The following MS4A12 variants were observed in gnomAD, a reference collection of about 807,000 sequenced individuals.
The protein encoded by MS4A12 is membrane spanning 4-domains A12, also known as membrane-spanning 4-domains subfamily A member 12.
MS4A12 carries 28 observed loss-of-function variants against 23.7 expected under a neutral mutation model. That is an observed-to-expected ratio of 1.18 (90% CI 0.88 to 1.62). The LOEUF is 1.62. MS4A12 is among the 40% of genes most tolerant of loss of function. The probability of loss-of-function intolerance (pLI) is 0.00; values close to 1 mark genes in which losing one functional copy is unlikely to be tolerated. For synonymous variants in MS4A12, 108 were observed against 110.1 expected (o/e 0.98, Z 0.12); for missense variants, 342 against 327.0 (o/e 1.05, Z -0.35).
chr11:60,505,534 C>T (rs1195053323), intron 5 of MS4A12, among the ~76,000 whole-genome samples: 4 of 151,898 alleles, frequency 2.6e-5, no homozygotes, highest in Non-Finnish European at 4.4e-5. Context: ...AAAAAAACAG[C>T]TTTCAAACTG....
At chr11:60,505,449 G>A (rs769905707) in intron 5 of MS4A12, among the ~76,000 whole-genome samples, 4 of 151,876 alleles carry the variant, frequency 2.6e-5, no homozygotes, top group Admixed American at 6.6e-5. Context: ...AAAGCTTCTC[G>A]GTAAATAAGG....
Position 60,503,762 on chromosome 11 carries a change from T to G in MS4A12, c.533T>G (p.Leu178Arg). The G allele has an allele frequency of 6.2e-7, 1 of 1,614,026 alleles. No individual in the cohort carries two copies. Among genetic ancestry groups the G allele is most frequent in the Non-Finnish European group, 8.5e-7 (1 of 1,179,886 alleles). ...ATCTTGGCCTTCATTGGAGTGATTC[T>G]GCTGCTGGTGGATATGTGCATCAAT... ...SSILAFIGVILLLVDMCINGV... is the reference protein window; with the variant it reads ...SSILAFIGVIRLLVDMCINGV... Residue 178 changes from leucine (L) to arginine (R), a missense_variant, in exon 5 of 7, where the codon CTG (leucine) becomes CGG (arginine). Leu to Arg is a moderately radical substitution (Grantham distance 102, BLOSUM62 -2). Coordinates refer to ENST00000016913, the MANE Select transcript of MS4A12 (RefSeq NM_017716.3).
intron 1 of MS4A12, 149 bp from the exon 2 acceptor site, chr11:60,497,164 A>T (rs1018954897): frequency 3.5e-5 from 35 of 986,020 alleles, no homozygotes; most frequent in Non-Finnish European, 2.9e-6. Flanking sequence ...GACTTATGAG[A>T]ATCATGTTTC....
At chr11:60,493,469 C>T (rs1045826838) in intron 1 of MS4A12, among the ~76,000 whole-genome samples, 2 of 151,926 alleles carry the variant, frequency 1.3e-5, no homozygotes, top group African/African-American at 2.4e-5. Flanking sequence ...AAGGACGAGG[C>T]CATGCCCCAC....
chr11:60,499,776 G>A (rs1411580919), intron 2 of MS4A12, among the ~76,000 whole-genome samples: 2 of 152,064 alleles, frequency 1.3e-5, no homozygotes, highest in African/African-American at 4.8e-5. Flanking sequence ...TAACCATGGG[G>A]AAAAATAAAT....
chr11:60,501,872 T>A (rs2086532941), intron 3 of MS4A12, 111 bp from the exon 4 acceptor site: 1 of 984,318 alleles, frequency 1.0e-6, no homozygotes. Context: ...CGAGAGAAAA[T>A]TTTGAGAAGG....
At chr11:60,500,010 C>T (rs189251938) in intron 2 of MS4A12, among the ~76,000 whole-genome samples, 12 of 151,948 alleles carry the variant, frequency 7.9e-5, no homozygotes, top group East Asian at 1.9e-4. Flanking sequence ...GAGGCCAAGG[C>T]GGGCAGATCA....
chr11:60,497,724 AT>A, intron 2 of MS4A12, 130 bp downstream of exon 2: 1 of 1,057,786 alleles, frequency 9.5e-7, no homozygotes, highest in Non-Finnish European at 1.3e-6. Flanking sequence ...AGACAGAAAT[AT>A]TTAGTCTGCC....
chr11:60,498,622 A>T (rs1314525759), intron 2 of MS4A12, among the ~76,000 whole-genome samples: 2 of 152,224 alleles, frequency 1.3e-5, no homozygotes, highest in Admixed American at 1.3e-4. Context: ...AGAGGGGGAA[A>T]TCAGACTGTA....
intron 4 of MS4A12, among the ~76,000 whole-genome samples, chr11:60,502,835 C>A (rs1290250020): frequency 6.6e-6 from 1 of 152,172 alleles, no homozygotes; most frequent in African/African-American, 2.4e-5. Flanking sequence ...TTAACCACTC[C>A]TGTTGCAGTC....
chr11:60,501,826 A>G (rs1034464308), intron 3 of MS4A12, among the ~76,000 whole-genome samples, 157 bp from the exon 4 acceptor site: 2 of 152,150 alleles, frequency 1.3e-5, no homozygotes, highest in Non-Finnish European at 2.9e-5. Flanking sequence ...AGTCAAGGAC[A>G]TATGACTGAG....
At chr11:60,500,428 G>A (rs554858516) in intron 2 of MS4A12, among the ~76,000 whole-genome samples, 1 of 152,150 alleles carries the variant, frequency 6.6e-6, no homozygotes, top group African/African-American at 2.4e-5. Flanking sequence ...AGACAGTACC[G>A]AATAATTCAG....
chr11:60,501,874 T>G, intron 3 of MS4A12, 109 bp from the exon 4 acceptor site: 2 of 1,000,654 alleles, frequency 2.0e-6, no homozygotes, highest in Non-Finnish European at 3.0e-6. Flanking sequence ...AGAGAAAATT[T>G]TGAGAAGGAA....
At chr11:60,501,888 A>G in intron 3 of MS4A12, 95 bp from the exon 4 acceptor site, 3 of 1,123,736 alleles carry the variant, frequency 2.7e-6, no homozygotes, top group African/African-American at 1.6e-5. Context: ...GAAGGAAACT[A>G]GATGAACATA....
Position 60,507,072 on chromosome 11 carries a change from C to A in MS4A12, c.752C>A (p.Ser251Tyr). 1 of 1,614,084 alleles carries A rather than the reference C, an allele frequency of 6.2e-7. No individual in the cohort carries two copies. Among genetic ancestry groups the A allele is most frequent in the Non-Finnish European group, 8.5e-7 (1 of 1,179,924 alleles). ...MYESNPVTPASSSAPPRCNNY... is the reference protein window; with the variant it reads ...MYESNPVTPAYSSAPPRCNNY... ...GAAAGCAACCCTGTGACACCAGCGT[C>A]TTCTTCAGCTCCTCCCAGATGCAAC... is the stretch of plus-strand genomic sequence containing the variant. Residue 251 changes from serine to tyrosine, a missense_variant, in exon 7 of 7, where the codon TCT becomes TAT. Transcript: ENST00000016913.
intron 2 of MS4A12, among the ~76,000 whole-genome samples, chr11:60,500,094 A>G (rs545874154): frequency 6.6e-6 from 1 of 152,200 alleles, no homozygotes; most frequent in African/African-American, 2.4e-5. Flanking sequence ...AAAAGAAATT[A>G]GCCAGGCATG....
chr11:60,503,848 C>T (rs745636724), intron 5 of MS4A12, 31 bp downstream of exon 5: 5 of 1,573,780 alleles, frequency 3.2e-6, no homozygotes, highest in Non-Finnish European at 1.7e-6. Flanking sequence ...CATGTGCCTG[C>T]TCTATTTTCA....
chr11:60,503,680 T>G (rs769898374), intron 4 of MS4A12, 21 bp from the exon 5 acceptor site: 2 of 1,580,360 alleles, frequency 1.3e-6, no homozygotes, highest in South Asian at 2.3e-5. Flanking sequence ...ATAATTGATT[T>G]TTTCCTGCCA....
At chr11:60,506,230 A>G (rs932794896) in intron 5 of MS4A12, among the ~76,000 whole-genome samples, 5 of 152,332 alleles carry the variant, frequency 3.3e-5, no homozygotes, top group Middle Eastern at 3.4e-3. Context: ...ACATGATTCC[A>G]TTCTTATAGA....
Sources: allele counts gnomAD v4.1 joint callset (sites outside exome capture counted in the v4.1 genomes callset), GRCh38; gene constraint gnomAD v4.1.1; transcripts MANE v1.5; gene names NCBI Gene and HGNC (gene_info 2026-07-23, HGNC 2026-07-21).